Variants in NR5A2 observed in about 807,000 individuals in gnomAD.
The protein encoded by NR5A2 is nuclear receptor subfamily 5 group A member 2.
Under a neutral mutation model 62.7 loss-of-function variants are expected in NR5A2, and 26 were observed. The ratio of observed to expected loss-of-function variants is 0.41; its 90% CI spans 0.30 to 0.58. The LOEUF (loss-of-function observed/expected upper bound fraction) is 0.58. NR5A2 is among the 20% of genes least tolerant of loss of function. The pLI, the probability that NR5A2 is intolerant of heterozygous loss-of-function variation, is 0.22. For synonymous variants in NR5A2, 246 were observed against 241.7 expected, an observed-to-expected ratio of 1.02 and a Z score of -0.16; for missense variants, 541 against 669.1, an observed-to-expected ratio of 0.81 and a Z score of 2.11.
rs772398661 is a variant in NR5A2, at chr1:200,048,315, A to G, written c.607A>G (p.Met203Val). 2.5e-6 allele frequency: 4 copies of G among 1,614,146 alleles called. No homozygotes were observed. The highest frequency in any genetic ancestry group is 2.2e-5 in the South Asian group (2 of 91,070). Residue 203 changes from methionine (M) to valine (V), a missense_variant, in exon 5 of 8, where the codon ATG becomes GTG. Met to Val is a conservative substitution (Grantham distance 21). Around this residue, in one of 3 missense-constraint regions of NR5A2, gnomAD observed 379 missense variants for 442.0 expected, o/e 0.86. Transcript: ENST00000367362. This position sits in a 1 kb window ranked among gnomAD's most constrained non-coding sequence, Gnocchi z 4.8. ...AGCCATGTCTCAGGTGATCCAAGCTATGCCCTCTGACCTGACCATTTCCTC... is the reference window on the plus strand; with the variant it reads ...AGCCATGTCTCAGGTGATCCAAGCTGTGCCCTCTGACCTGACCATTTCCTC... Reference protein sequence around the residue: ...LEAMSQVIQAMPSDLTISSAI... With the variant: ...LEAMSQVIQAVPSDLTISSAI...
chr1:200,061,616 A>C lies in NR5A2; in HGVS notation c.1110+12798A>C, dbSNP rs78340168. 5.1e-3 allele frequency among the ~76,000 whole-genome samples: 774 copies of C among 152,292 alleles called. 5 individuals are homozygous for C. Among genetic ancestry groups the C allele is most frequent in the African/African-American group, 0.018 (742 of 41,556 alleles). ...ACAACCAAACTTGATCCAACTTCTA[A>C]TTCTGTAAGAATACCATTTCTTTAC... On this transcript the variant is annotated intron_variant, in intron 5 of 7. Transcript: ENST00000367362.
At chr1:200,083,603 T>C (rs2247203) in intron 5 of NR5A2, among the ~76,000 whole-genome samples, 76,360 of 151,944 alleles carry the variant, frequency 0.5, 19,265 homozygotes, top group African/African-American at 0.55. Flanking sequence ...TCCAGATTGC[T>C]TTACATTTAC....
At position 200,173,824 on chromosome 1, in the gene NR5A2, T is replaced by C. The variant is rs531728763; in HGVS notation, c.1379-139T>C. On this transcript the variant is annotated intron_variant, in intron 7 of 7. Coordinates refer to ENST00000367362, the MANE Select transcript of NR5A2 (RefSeq NM_205860.3). ...TTCCCAGGAAGTTTGGTGAGTGGGG[T>C]TTACTGAATATTCAGCAGCATGTAA... The C allele has an allele frequency of 2.2e-4, 193 of 865,736 alleles. 2 individuals carry two copies. In the South Asian group the frequency reaches 6.1e-3, roughly 27 times the overall value. 53.6% of individuals were successfully genotyped at this position (865,736 alleles called of 1,614,324 possible).
intron 7 of NR5A2, among the ~76,000 whole-genome samples, chr1:200,132,898 C>A (rs1667026878): frequency 6.6e-6 from 1 of 152,178 alleles, no homozygotes; most frequent in Non-Finnish European, 1.5e-5. Flanking sequence ...CCTGGAGGAA[C>A]TGAGTCCCAG....
chr1:200,132,072 C>A (rs911974852), intron 7 of NR5A2, among the ~76,000 whole-genome samples: 1 of 152,034 alleles, frequency 6.6e-6, no homozygotes, highest in Admixed American at 6.5e-5. Context: ...TGCAGTGGTG[C>A]AATTTTGGCT....
intron 7 of NR5A2, among the ~76,000 whole-genome samples, chr1:200,133,637 A>G (rs1228203929): frequency 2.0e-5 from 3 of 150,030 alleles, no homozygotes; most frequent in African/African-American, 7.3e-5. Flanking sequence ...GTATATATGT[A>G]CATATATACA....
chr1:200,046,048 T>G lies in NR5A2; in HGVS notation c.463+464T>G, dbSNP rs568494584. On this transcript the variant is annotated intron_variant, in intron 4 of 7. Coordinates refer to ENST00000367362, the MANE Select transcript of NR5A2 (RefSeq NM_205860.3). ...GTGTTAACTACTAATTTCATGATTC[T>G]TAAGAGTTAAAGCCTTTAATGGTGA... 8.5e-5 allele frequency among the ~76,000 whole-genome samples: 13 copies of G among 152,342 alleles called. No individual in the cohort carries two copies. In the East Asian group the frequency reaches 2.3e-3, roughly 27 times the overall value.
intron 6 of NR5A2, among the ~76,000 whole-genome samples, chr1:200,113,662 T>C (rs151011500): frequency 3.3e-5 from 5 of 152,348 alleles, no homozygotes; most frequent in Admixed American, 6.5e-5. Context: ...ATGAGAACTA[T>C]TGTATCTCTC....
intron 5 of NR5A2, among the ~76,000 whole-genome samples, chr1:200,109,787 T>C (rs944641188): frequency 6.6e-6 from 1 of 152,208 alleles, no homozygotes; most frequent in African/African-American, 2.4e-5. Flanking sequence ...TATTTTGAGA[T>C]GGAATCTTGC....
chr1:200,080,410 AATT>A (rs1664239882), intron 5 of NR5A2, among the ~76,000 whole-genome samples: 2 of 152,174 alleles, frequency 1.3e-5, no homozygotes, highest in Non-Finnish European at 2.9e-5. Context: ...TTTGAAATTT[AATT>A]ATTAACTCTG....
chr1:200,086,377 C>T (rs901365296), intron 5 of NR5A2, among the ~76,000 whole-genome samples: 3 of 152,014 alleles, frequency 2.0e-5, no homozygotes, highest in Non-Finnish European at 4.4e-5. Flanking sequence ...AATCTCAGCT[C>T]ACCGCAACCT....
At chr1:200,100,895 T>G (rs1191583229) in intron 5 of NR5A2, among the ~76,000 whole-genome samples, 4 of 152,206 alleles carry the variant, frequency 2.6e-5, no homozygotes, top group Non-Finnish European at 4.4e-5. Flanking sequence ...GGAACCAAAT[T>G]GTGGCTCATT....
At chr1:200,162,056 A>C (rs1653667369) in intron 7 of NR5A2, among the ~76,000 whole-genome samples, 1 of 152,252 alleles carries the variant, frequency 6.6e-6, no homozygotes, top group Non-Finnish European at 1.5e-5. Context: ...GATGTTCCAC[A>C]GACAAGCAAG....
intron 5 of NR5A2, among the ~76,000 whole-genome samples, chr1:200,072,695 TA>T (rs1484949634): frequency 6.6e-6 from 1 of 152,140 alleles, no homozygotes; most frequent in African/African-American, 2.4e-5. Flanking sequence ...AAGGTTACAA[TA>T]AACACAGGAA....
intron 7 of NR5A2, among the ~76,000 whole-genome samples, chr1:200,152,348 T>C (rs554241982): frequency 5.3e-5 from 8 of 152,342 alleles, no homozygotes; most frequent in Admixed American, 5.2e-4. Context: ...CTGATAGTTA[T>C]GATCTACATA....
chr1:200,164,549 CT>C lies in NR5A2; in HGVS notation c.1379-9398del, dbSNP rs35458399. On this transcript the variant is annotated intron_variant, in intron 7 of 7. Coordinates refer to ENST00000367362, the MANE Select transcript of NR5A2 (RefSeq NM_205860.3). ...CCACTTTTCCATAGATTTTAATAGA[CT>C]TTTTTTTTTTTTTTTGAGACAGAGT... is the stretch of plus-strand genomic sequence containing the variant. Among the ~76,000 whole-genome samples the C allele has an allele frequency of 3.7e-3, 523 of 139,504 alleles. 1 individual carries two copies. Among genetic ancestry groups the C allele is most frequent in the East Asian group, 0.013 (64 of 4,830 alleles). The allele number at this position is 139,504 out of a possible 152,430, so 91.5% of individuals were successfully genotyped here.
At chr1:200,085,028 T>A (rs1299542343) in intron 5 of NR5A2, among the ~76,000 whole-genome samples, 2 of 152,180 alleles carry the variant, frequency 1.3e-5, no homozygotes, top group African/African-American at 4.8e-5. Context: ...CAGGCAGAAG[T>A]ATCCGGGGCT....
At chr1:200,081,390 C>G (rs1664285378) in intron 5 of NR5A2, among the ~76,000 whole-genome samples, 1 of 152,192 alleles carries the variant, frequency 6.6e-6, no homozygotes, top group African/African-American at 2.4e-5. Flanking sequence ...GACCACAGTC[C>G]TGTGGGTTAT....
chr1:200,122,729 T>C (rs1368907576), intron 7 of NR5A2, among the ~76,000 whole-genome samples: 4 of 152,182 alleles, frequency 2.6e-5, no homozygotes, highest in South Asian at 2.1e-4. Flanking sequence ...CACCAGTGAA[T>C]AGCTGGCCTA....
Sources: allele counts gnomAD v4.1 joint callset (sites outside exome capture counted in the v4.1 genomes callset), GRCh38; gene constraint gnomAD v4.1.1; regional missense constraint gnomAD v4.1.1; non-coding constraint Gnocchi (gnomAD v3.1); transcripts MANE v1.5; gene names NCBI Gene and HGNC (gene_info 2026-07-23, HGNC 2026-07-21).